NALF1: variants seen among roughly 807,000 people sequenced by gnomAD.
NALF1 encodes family with sequence similarity 155 member A.
Under a neutral mutation model 48.4 loss-of-function variants are expected in NALF1, and 3 were observed. That is an observed-to-expected ratio of 0.06 (90% CI 0.03 to 0.16). NALF1 has a LOEUF of 0.16. NALF1 is among the 10% of genes least tolerant of loss of function. The pLI is 1.00. For missense variants in NALF1, 526 were observed against 571.5 expected (o/e 0.92, Z 0.81); for synonymous variants, 262 against 245.7 (o/e 1.07, Z -0.62).
At chr13:107,558,938 C>A (rs913995886) in intron 1 of NALF1, among the ~76,000 whole-genome samples, 34 of 152,174 alleles carry the variant, frequency 2.2e-4, no homozygotes, top group Non-Finnish European at 5.0e-4. Flanking sequence ...TGGGACCACA[C>A]CCTTGGCTCA....
intron 1 of NALF1, among the ~76,000 whole-genome samples, chr13:107,594,713 C>G (rs1197420472): frequency 6.6e-6 from 1 of 151,640 alleles, no homozygotes; most frequent in East Asian, 1.9e-4. Context: ...TTTGAGTGAC[C>G]CAAAATCAAC....
At chr13:107,674,853 C>G (rs1261364516) in intron 1 of NALF1, among the ~76,000 whole-genome samples, 1 of 152,014 alleles carries the variant, frequency 6.6e-6, no homozygotes. Flanking sequence ...AGTGTGTTGC[C>G]GAAATGTTTC....
intron 1 of NALF1, among the ~76,000 whole-genome samples, chr13:107,388,840 TA>T (rs796979119): frequency 0.015 from 2,226 of 145,786 alleles, 49 homozygotes; most frequent in African/African-American, 0.047. Flanking sequence ...TCCAGTCAAT[TA>T]AAAAAAAAAA....
intron 1 of NALF1, among the ~76,000 whole-genome samples, chr13:107,303,281 A>G (rs1000443889): frequency 6.6e-6 from 1 of 152,170 alleles, no homozygotes; most frequent in Admixed American, 6.5e-5. Flanking sequence ...TGGATATTAA[A>G]TCATCATCAC....
rs889816486 is a variant in NALF1 at position 107,465,715 on chromosome 13, G to A, written c.916-254960C>T. On this transcript the variant is annotated intron_variant, in intron 1 of 2. Transcript: ENST00000375915. Reference sequence around the variant, plus strand: ...GGGCTGTCATAAACAAATACCTAACGCTAGGTCATTTATACACAACAGAAA... The same window carrying A: ...GGGCTGTCATAAACAAATACCTAACACTAGGTCATTTATACACAACAGAAA... 2.6e-5 allele frequency among the ~76,000 whole-genome samples: 4 copies of A among 152,120 alleles called. No individual in the cohort carries two copies. In the East Asian group the frequency reaches 5.8e-4, roughly 22 times the overall value.
chr13:107,508,444 T>G (rs1875770671), intron 1 of NALF1, among the ~76,000 whole-genome samples: 1 of 151,950 alleles, frequency 6.6e-6, no homozygotes. Context: ...TGAATAATAC[T>G]AATGATAAAA....
intron 1 of NALF1, among the ~76,000 whole-genome samples, chr13:107,693,399 C>A (rs1881617374): frequency 6.6e-6 from 1 of 151,802 alleles, no homozygotes; most frequent in Admixed American, 6.6e-5. Context: ...TGCAGCACAC[C>A]AACATGGCGC....
chr13:107,600,478 C>T (rs112072669), intron 1 of NALF1, among the ~76,000 whole-genome samples: 22 of 74,130 alleles, frequency 3.0e-4, no homozygotes, highest in Non-Finnish European at 4.1e-4. Context: ...GATATTCTAA[C>T]TATGTTATTT....
intron 1 of NALF1, among the ~76,000 whole-genome samples, chr13:107,670,078 T>C (rs1273666534): frequency 6.6e-6 from 1 of 152,278 alleles, no homozygotes; most frequent in Non-Finnish European, 1.5e-5. Flanking sequence ...TGCAGTGATA[T>C]GTTTATGCTT....
At chr13:107,762,413 A>G (rs576969543) in intron 1 of NALF1, among the ~76,000 whole-genome samples, 1 of 152,192 alleles carries the variant, frequency 6.6e-6, no homozygotes, top group Admixed American at 6.5e-5. Context: ...ATAGCCTAGA[A>G]CTTAAAGTAT....
chr13:107,492,036 T>TA (rs1437196569), intron 1 of NALF1, among the ~76,000 whole-genome samples: 2 of 111,732 alleles, frequency 1.8e-5, no homozygotes, highest in African/African-American at 7.8e-5. Flanking sequence ...GTCTGGGTTT[T>TA]TTTTTGTTTT....
intron 1 of NALF1, among the ~76,000 whole-genome samples, chr13:107,243,763 T>C (rs1483972404): frequency 6.6e-6 from 1 of 152,196 alleles, no homozygotes; most frequent in African/African-American, 2.4e-5. Flanking sequence ...GCTGCACATA[T>C]GAGCAGAGCT....
At position 107,866,571 on chromosome 13, in the gene NALF1, C is replaced by T. The variant is rs1880738108; in HGVS notation, c.26G>A (p.Arg9Gln). 1 of 1,610,274 alleles carries T rather than the reference C, an allele frequency of 6.2e-7. No individual in the cohort carries two copies. Among genetic ancestry groups the T allele is most frequent in the African/African-American group, 1.3e-5 (1 of 74,892 alleles). ...GATTTTTAAGCCGTCGTCATACTGC[C>T]GACACATCCAAGCACCCCTGGTCAT... MTRGAWMC[R>Q]QYDDGLKIWL... The change falls in exon 1 of 3, where the codon CGG (arginine) becomes CAG (glutamine). Residue 9 changes from arginine to glutamine, a missense_variant. By Grantham distance (43) the Arg-to-Gln change is conservative. Transcript: ENST00000375915. The surrounding 1 kb of genome is among the most constrained non-coding windows in gnomAD (Gnocchi z 4.4).
At chr13:107,307,117 T>C (rs17446768) in intron 1 of NALF1, among the ~76,000 whole-genome samples, 9,454 of 152,324 alleles carry the variant, frequency 0.062, 446 homozygotes, top group African/African-American at 0.12. Context: ...CCCATTCTTC[T>C]AATCAAAGCC....
intron 1 of NALF1, among the ~76,000 whole-genome samples, chr13:107,366,978 T>C (rs1194893142): frequency 6.6e-6 from 1 of 152,184 alleles, no homozygotes; most frequent in Non-Finnish European, 1.5e-5. Context: ...GCCTTCACTC[T>C]GAATGCCTCT....
chr13:107,505,244 T>C (rs1215872967), intron 1 of NALF1, among the ~76,000 whole-genome samples: 1 of 152,036 alleles, frequency 6.6e-6, no homozygotes, highest in Non-Finnish European at 1.5e-5. Flanking sequence ...GAGCATAGCA[T>C]TGGTGAGGAA....
chr13:107,218,875 G>T (rs1413176409), intron 1 of NALF1, among the ~76,000 whole-genome samples: 2 of 152,190 alleles, frequency 1.3e-5, no homozygotes, highest in African/African-American at 2.4e-5. Context: ...CACTACTTTG[G>T]CTGGGATTGT....
rs144289172 is a variant in NALF1 at position 107,459,413 on chromosome 13, T to A, written c.916-248658A>T. ...TACAAATATATATATATATAAGGCC[T>A]GTTTTGTTAGTATACAATAAAAAAG... On this transcript the variant is annotated intron_variant, in intron 1 of 2. Transcript: ENST00000375915. 4.2e-3 allele frequency among the ~76,000 whole-genome samples: 633 copies of A among 152,000 alleles called. 8 individuals carry two copies. The highest frequency in any genetic ancestry group is 0.015 in the African/African-American group (614 of 41,530).
At chr13:107,650,207 C>G (rs1880414768) in intron 1 of NALF1, among the ~76,000 whole-genome samples, 1 of 151,942 alleles carries the variant, frequency 6.6e-6, no homozygotes, top group African/African-American at 2.4e-5. Context: ...AGATGCCCCC[C>G]AAGTCGATAG....
Sources: gnomAD v4.1 joint callset for allele counts (sites outside exome capture counted in the v4.1 genomes callset) on GRCh38, gnomAD v4.1.1 for gene constraint, Gnocchi (gnomAD v3.1) non-coding constraint, MANE v1.5 for transcripts, NCBI Gene and HGNC (gene_info 2026-07-23, HGNC 2026-07-21) for gene names.